The following ELOVL7 variants were observed in gnomAD, a reference collection of about 807,000 sequenced individuals.
ELOVL7 encodes the protein ELOVL fatty acid elongase 7, also known as very long chain fatty acid elongase 7.
A neutral mutation model predicts 35.7 loss-of-function variants in ELOVL7; 27 were observed. The observed-to-expected ratio is 0.76, with a 90% CI of 0.56 to 1.04. The LOEUF (loss-of-function observed/expected upper bound fraction) is 1.04. ELOVL7 is among the 50% of genes least tolerant of loss of function. The pLI, the probability that ELOVL7 is intolerant of heterozygous loss-of-function variation, is 0.00. For missense variants in ELOVL7, 327 were observed against 340.8 expected (o/e 0.96, Z 0.32); for synonymous variants, 113 against 114.6 (o/e 0.99, Z 0.09).
Position 60,804,980 on chromosome 5 carries a change from G to A in ELOVL7, c.-85-5750C>T, listed in dbSNP as rs147367192. ...GCACCTACTCAGATTTCTACAATGC[G>A]AAGCAGAATGCAGGGGCATGCAAAC... On this transcript the variant is annotated intron_variant, in intron 1 of 8. Coordinates refer to ENST00000508821, the MANE Select transcript of ELOVL7 (RefSeq NM_024930.3). 2.5e-4 allele frequency among the ~76,000 whole-genome samples: 38 copies of A among 152,316 alleles called. 1 individual carries two copies. The highest frequency in any genetic ancestry group is 8.7e-4 in the African/African-American group (36 of 41,576).
intron 1 of ELOVL7, among the ~76,000 whole-genome samples, chr5:60,823,034 G>C (rs1340766182): frequency 6.6e-6 from 1 of 152,180 alleles, no homozygotes; most frequent in Admixed American, 6.5e-5. Flanking sequence ...TCTTGTTCAC[G>C]AAGCCTGGTG....
rs115070164 is a variant in ELOVL7 at position 60,810,237 on chromosome 5, T to C, written c.-85-11007A>G. Reference sequence around the variant, plus strand: ...TGGGCAGAAGAACTAAAAAAGCAGGTTGGCCCAGTTTAAGGCAGTACCCCT... The same window carrying C: ...TGGGCAGAAGAACTAAAAAAGCAGGCTGGCCCAGTTTAAGGCAGTACCCCT... On this transcript the variant is annotated intron_variant, in intron 1 of 8. Transcript: ENST00000508821. Among the ~76,000 whole-genome samples the C allele has an allele frequency of 7.2e-3, 1,100 of 152,250 alleles. 10 individuals are homozygous for C. The highest frequency in any genetic ancestry group is 0.025 in the African/African-American group (1,054 of 41,552).
chr5:60,832,370 T>C (rs569485631), intron 1 of ELOVL7, among the ~76,000 whole-genome samples: 3 of 145,244 alleles, frequency 2.1e-5, no homozygotes, highest in Non-Finnish European at 4.6e-5. Context: ...GATTGATAGA[T>C]TTTTTTTTTT....
rs34746567 is a variant in ELOVL7 at position 60,789,909 on chromosome 5, G to A, written c.-34-2478C>T. 7.2e-3 allele frequency among the ~76,000 whole-genome samples: 1,092 copies of A among 152,266 alleles called. 10 individuals carry two copies. The highest frequency in any genetic ancestry group is 0.036 in the South Asian group (172 of 4,820). ...TCCCAGCAGTTTGGGAGGCTGAGGT[G>A]GGCAGATCATCTGAGGTCAGGAGTT... is the stretch of plus-strand genomic sequence containing the variant. On this transcript the variant is annotated intron_variant, in intron 2 of 8. Coordinates refer to ENST00000508821, the MANE Select transcript of ELOVL7 (RefSeq NM_024930.3).
intron 1 of ELOVL7, among the ~76,000 whole-genome samples, chr5:60,811,325 T>G (rs917942754): frequency 2.0e-5 from 3 of 152,186 alleles, no homozygotes; most frequent in Non-Finnish European, 4.4e-5. Context: ...GTATAGTCAT[T>G]AGCATACTGG....
intron 1 of ELOVL7, among the ~76,000 whole-genome samples, chr5:60,818,525 G>A (rs1355237582): frequency 6.6e-6 from 1 of 152,084 alleles, no homozygotes; most frequent in Non-Finnish European, 1.5e-5. Context: ...GATACATGTA[G>A]TAATGGTTCC....
At chr5:60,831,688 C>T (rs1746488420) in intron 1 of ELOVL7, among the ~76,000 whole-genome samples, 1 of 152,206 alleles carries the variant, frequency 6.6e-6, no homozygotes, top group African/African-American at 2.4e-5. Flanking sequence ...AAAGTATTAT[C>T]CATAAAGCGA....
chr5:60,824,615 T>G (rs892650571), intron 1 of ELOVL7, among the ~76,000 whole-genome samples: 12 of 152,246 alleles, frequency 7.9e-5, no homozygotes, highest in African/African-American at 2.4e-4. Flanking sequence ...CCTCCATTTC[T>G]TTCTACATAA....
At position 60,806,784 on chromosome 5, in the gene ELOVL7, C is replaced by T. The variant is rs568975723; in HGVS notation, c.-85-7554G>A. ...CAGGGAGGCAGCCCCTCAGGGAACA[C>T]CCATGCTGGGGAAATAGAAAGAGAA... On this transcript the variant is annotated intron_variant, in intron 1 of 8. Transcript: ENST00000508821. Among the ~76,000 whole-genome samples the T allele has an allele frequency of 3.9e-5, 6 of 152,106 alleles. No individual in the cohort carries two copies. The South Asian group carries it at 8.3e-4, about 21-fold the overall frequency.
Position 60,766,558 on chromosome 5 carries a change from G to T in ELOVL7, c.393+16C>A, listed in dbSNP as rs745634804. Reference sequence around the variant, plus strand: ...TAAGATCAAACATTTACCAAATGTGGTGGCCATATACTCACCGTATCTAAT... The same window carrying T: ...TAAGATCAAACATTTACCAAATGTGTTGGCCATATACTCACCGTATCTAAT... On this transcript the variant is annotated intron_variant, in intron 6 of 8. Transcript: ENST00000508821. 7 of 1,581,510 alleles carry T rather than the reference G, an allele frequency of 4.4e-6. No individual in the cohort carries two copies. In the South Asian group the frequency reaches 7.2e-5, roughly 16 times the overall value.
intron 1 of ELOVL7, among the ~76,000 whole-genome samples, chr5:60,799,908 A>G (rs184807802): frequency 0.014 from 2,102 of 151,772 alleles, 60 homozygotes; most frequent in African/African-American, 0.048. Context: ...ATGGTGGCGC[A>G]TGCCTGTAAT....
At chr5:60,841,704 T>C (rs916020549) in intron 1 of ELOVL7, among the ~76,000 whole-genome samples, 2 of 152,276 alleles carry the variant, frequency 1.3e-5, no homozygotes, top group African/African-American at 4.8e-5. Flanking sequence ...TTATGTTTTA[T>C]GCACTTTTAT....
chr5:60,841,572 C>G (rs1206704542), intron 1 of ELOVL7, among the ~76,000 whole-genome samples: 1 of 152,068 alleles, frequency 6.6e-6, no homozygotes, highest in Non-Finnish European at 1.5e-5. Context: ...CAGTCCAGGC[C>G]CACTTCACCT....
rs1478753422 is a variant in ELOVL7 at position 60,771,886 on chromosome 5, A to G, written c.255+17T>C. The G allele has an allele frequency of 2.6e-6, 4 of 1,543,228 alleles. No homozygotes were observed. The South Asian group carries it at 4.8e-5, about 19-fold the overall frequency. Reference sequence around the variant, plus strand: ...CTCAGGCAAAATTCTCCCATTAGGAATACTGAAGACACTTGCCTCATAACA... The same window carrying G: ...CTCAGGCAAAATTCTCCCATTAGGAGTACTGAAGACACTTGCCTCATAACA... On this transcript the variant is annotated intron_variant, in intron 4 of 8. Transcript: ENST00000508821.
At chr5:60,839,386 T>C (rs868185497) in intron 1 of ELOVL7, among the ~76,000 whole-genome samples, 24 of 152,310 alleles carry the variant, frequency 1.6e-4, no homozygotes, top group Middle Eastern at 6.8e-3. Flanking sequence ...TGCCAACTTC[T>C]ATCATTTACA....
intron 3 of ELOVL7, among the ~76,000 whole-genome samples, chr5:60,781,084 C>T (rs899509440): frequency 6.6e-6 from 1 of 151,986 alleles, no homozygotes; most frequent in Non-Finnish European, 1.5e-5. Flanking sequence ...GTGGCGCACG[C>T]CTGTAATCAC....
intron 1 of ELOVL7, among the ~76,000 whole-genome samples, chr5:60,835,893 G>A (rs1429753732): frequency 6.6e-6 from 1 of 151,934 alleles, no homozygotes; most frequent in Non-Finnish European, 1.5e-5. Context: ...TAACATGTTT[G>A]CAATAAATAC....
chr5:60,784,129 TA>T (rs1743426034), intron 3 of ELOVL7: 7 of 1,517,380 alleles, frequency 4.6e-6, no homozygotes, highest in Non-Finnish European at 6.2e-6. Context: ...CAGCTGCTTC[TA>T]AGAGAGTATT....
intron 2 of ELOVL7, among the ~76,000 whole-genome samples, chr5:60,791,311 G>A (rs1743922845): frequency 6.6e-6 from 1 of 152,086 alleles, no homozygotes; most frequent in Admixed American, 6.5e-5. Flanking sequence ...GAGAGAAATT[G>A]TGCCAATTTA....
Sources: gnomAD v4.1 joint callset for allele counts (sites outside exome capture counted in the v4.1 genomes callset) on GRCh38, gnomAD v4.1.1 for gene constraint, MANE v1.5 for transcripts, NCBI Gene and HGNC (gene_info 2026-07-23, HGNC 2026-07-21) for gene names.